The following PDE1A variants were observed in gnomAD, a reference collection of about 807,000 sequenced individuals.
The protein encoded by PDE1A is dual specificity calcium/calmodulin-dependent 3',5'-cyclic nucleotide phosphodiesterase 1A.
PDE1A carries 35 observed loss-of-function variants against 61.7 expected under a neutral mutation model. The ratio of observed to expected loss-of-function variants is 0.57; its 90% CI spans 0.43 to 0.75. The LOEUF (loss-of-function observed/expected upper bound fraction) is 0.75, where lower values mean the gene tolerates loss of function less well. Ranked by LOEUF, PDE1A falls within the 30% of genes least tolerant of loss-of-function variation. The pLI, the probability that PDE1A is intolerant of heterozygous loss-of-function variation, is 0.00. For missense variants in PDE1A, 597 were observed against 630.6 expected (o/e 0.95, Z 0.57); for synonymous variants, 232 against 213.2 (o/e 1.09, Z -0.77).
chr2:182,485,683 T>A (rs1368845704), intron 2 of PDE1A, among the ~76,000 whole-genome samples: 1 of 151,840 alleles, frequency 6.6e-6, no homozygotes, highest in Non-Finnish European at 1.5e-5. Context: ...CGAGACAAGT[T>A]TAAAATATAA....
At chr2:182,162,111 T>C (rs555919833) in intron 13 of PDE1A, among the ~76,000 whole-genome samples, 1 of 152,246 alleles carries the variant, frequency 6.6e-6, no homozygotes, top group African/African-American at 2.4e-5. Context: ...AAGAAATAAA[T>C]TTGTGAGGGG....
At chr2:182,668,429 A>G in the PDE1A span, among the ~76,000 whole-genome samples, 33 of 152,072 alleles carry the variant, frequency 2.2e-4, no homozygotes, top group Admixed American at 1.3e-4. Flanking sequence ...GGAGACTAGC[A>G]TGAGACCGAA....
chr2:182,392,860 G>C (rs904199006), intron 1 of PDE1A, among the ~76,000 whole-genome samples: 1 of 152,272 alleles, frequency 6.6e-6, no homozygotes, highest in Admixed American at 6.5e-5. Flanking sequence ...GGGTTCCCAT[G>C]GTCTTGGGCA....
At chr2:182,370,717 C>G (rs1048436915) in intron 1 of PDE1A, among the ~76,000 whole-genome samples, 8 of 152,100 alleles carry the variant, frequency 5.3e-5, no homozygotes, top group African/African-American at 1.9e-4. Context: ...TTATGATGAG[C>G]TCGTGTGTGT....
Position 182,511,146 on chromosome 2 carries a change from T to C in PDE1A, c.101+11130A>G, listed in dbSNP as rs79355565. 3.5e-3 allele frequency among the ~76,000 whole-genome samples: 533 copies of C among 152,086 alleles called. 4 individuals carry two copies. The highest frequency in any genetic ancestry group is 0.012 in the African/African-American group (507 of 41,474). On this transcript the variant is annotated intron_variant, in intron 2 of 14. Transcript: ENST00000410103. ...GATACGTGATGATATTATTTCCATT[T>C]ACAGATAAGAAAATTGAGGAATTGA...
At chr2:182,418,765 C>T (rs552414914) in intron 1 of PDE1A, among the ~76,000 whole-genome samples, 4 of 152,142 alleles carry the variant, frequency 2.6e-5, no homozygotes, top group Non-Finnish European at 5.9e-5. Context: ...ACAGTAACAA[C>T]TTAACTCAAT....
chr2:182,635,611 C>T, the PDE1A span, among the ~76,000 whole-genome samples: 1 of 152,014 alleles, frequency 6.6e-6, no homozygotes, highest in Non-Finnish European at 1.5e-5. Context: ...GCTGTTCCCA[C>T]ATCTTCGGTT....
At chr2:182,625,119 C>T in the PDE1A span, among the ~76,000 whole-genome samples, 1 of 152,108 alleles carries the variant, frequency 6.6e-6, no homozygotes, top group Non-Finnish European at 1.5e-5. Flanking sequence ...CTTCTCTCTG[C>T]CATGTGAAGA....
chr2:182,669,821 G>A, the PDE1A span, among the ~76,000 whole-genome samples: 1 of 152,176 alleles, frequency 6.6e-6, no homozygotes, highest in Non-Finnish European at 1.5e-5. Context: ...GCTCCCATAT[G>A]GCAGACGCAC....
chr2:182,215,427 G>C (rs1159945192), intron 7 of PDE1A, among the ~76,000 whole-genome samples: 1 of 147,374 alleles, frequency 6.8e-6, no homozygotes, highest in Admixed American at 6.8e-5. Flanking sequence ...GAGCAGAACT[G>C]AAGGAAATAG....
At chr2:182,289,551 A>C (rs1694388729) in intron 1 of PDE1A, among the ~76,000 whole-genome samples, 1 of 151,770 alleles carries the variant, frequency 6.6e-6, no homozygotes, top group South Asian at 2.1e-4. Flanking sequence ...TTAATCACAA[A>C]CTCTTCCTTG....
intron 2 of PDE1A, among the ~76,000 whole-genome samples, chr2:182,480,454 G>A (rs115098363): frequency 2.3e-3 from 348 of 151,948 alleles, no homozygotes; most frequent in African/African-American, 6.5e-3. Context: ...AAATACAGTC[G>A]GCCTACTGTA....
At chr2:182,675,707 C>G in the PDE1A span, among the ~76,000 whole-genome samples, 6 of 152,150 alleles carry the variant, frequency 3.9e-5, no homozygotes, top group Admixed American at 3.9e-4. Context: ...CTAATGATAA[C>G]TAATGTTGAG....
the PDE1A span, among the ~76,000 whole-genome samples, chr2:182,579,035 C>T: frequency 3.3e-5 from 5 of 152,044 alleles, no homozygotes; most frequent in African/African-American, 1.2e-4. Flanking sequence ...TCTATTCACA[C>T]AAAAGGGAAA....
chr2:182,574,306 C>T, the PDE1A span, among the ~76,000 whole-genome samples: 8 of 152,300 alleles, frequency 5.3e-5, no homozygotes, highest in Non-Finnish European at 8.8e-5. Context: ...GCAACACCCT[C>T]ACAGACACAC....
At chr2:182,233,377 G>A (rs1010903247) in intron 4 of PDE1A, among the ~76,000 whole-genome samples, 2 of 152,054 alleles carry the variant, frequency 1.3e-5, no homozygotes, top group Non-Finnish European at 2.9e-5. Context: ...TCACAATAGG[G>A]TTTGCGCTCC....
At chr2:182,243,092 C>G (rs1054588010) in intron 2 of PDE1A, among the ~76,000 whole-genome samples, 1 of 151,956 alleles carries the variant, frequency 6.6e-6, no homozygotes, top group Non-Finnish European at 1.5e-5. Context: ...ACATACCAGT[C>G]CTATTTCTCA....
chr2:182,525,288 A>G (rs73046457), upstream of PDE1A, among the ~76,000 whole-genome samples: 1,829 of 152,162 alleles, frequency 0.012, 41 homozygotes, highest in African/African-American at 0.042. Flanking sequence ...TTTTAGTGAC[A>G]ATTATTTCCC....
At chr2:182,415,539 G>A (rs559627892) in intron 1 of PDE1A, among the ~76,000 whole-genome samples, 5 of 152,096 alleles carry the variant, frequency 3.3e-5, no homozygotes, top group Non-Finnish European at 7.4e-5. Flanking sequence ...TCTTTCTGCT[G>A]TCTAGGAAAA....
Sources: allele counts gnomAD v4.1 joint callset (sites outside exome capture counted in the v4.1 genomes callset), GRCh38; gene constraint gnomAD v4.1.1; transcripts MANE v1.5; gene names NCBI Gene and HGNC (gene_info 2026-07-23, HGNC 2026-07-21).